CAMTA1: variants seen among roughly 807,000 people sequenced by gnomAD.
CAMTA1 encodes calmodulin-binding transcription activator 1.
A neutral mutation model predicts 170.9 loss-of-function variants in CAMTA1; 27 were observed. The observed-to-expected ratio is 0.16, with a 90% CI of 0.12 to 0.22. The LOEUF is 0.22. Ranked by LOEUF, CAMTA1 falls within the 10% of genes least tolerant of loss-of-function variation. CAMTA1 has a pLI of 1.00. For missense variants in CAMTA1, 1,619 were observed against 2,217.2 expected, an observed-to-expected ratio of 0.73 and a Z score of 5.42; for synonymous variants, 833 against 891.5, an observed-to-expected ratio of 0.93 and a Z score of 1.17.
At chr1:7,726,705 C>T (rs183052393) in intron 11 of CAMTA1, among the ~76,000 whole-genome samples, 1 of 152,284 alleles carries the variant, frequency 6.6e-6, no homozygotes, top group East Asian at 1.9e-4. Flanking sequence ...CTCGCTGCAG[C>T]AAATATAGAG....
intron 3 of CAMTA1, among the ~76,000 whole-genome samples, chr1:6,836,943 C>CTTTTTTTTTT (rs780894298): frequency 7.3e-6 from 1 of 137,334 alleles, no homozygotes; most frequent in African/African-American, 2.7e-5. Context: ...TGAAGGAGTT[C>CTTTTTTTTTT]TTTTTTTTTT....
chr1:6,889,307 T>G (rs1435531785), intron 3 of CAMTA1, among the ~76,000 whole-genome samples: 1 of 152,164 alleles, frequency 6.6e-6, no homozygotes, highest in East Asian at 1.9e-4. Flanking sequence ...GGTGAAGAAA[T>G]AAATGTAGAA....
intron 4 of CAMTA1, among the ~76,000 whole-genome samples, chr1:7,152,328 C>G (rs967900437): frequency 6.6e-6 from 1 of 152,156 alleles, no homozygotes; most frequent in Non-Finnish European, 1.5e-5. Flanking sequence ...CTTAGAGTGG[C>G]TTAAAGCTCC....
intron 6 of CAMTA1, among the ~76,000 whole-genome samples, chr1:7,627,483 CG>C (rs1442697548): frequency 6.6e-6 from 1 of 152,198 alleles, no homozygotes; most frequent in Non-Finnish European, 1.5e-5. Context: ...TCCCATGCCT[CG>C]GGCACTGTTC....
chr1:7,169,934 T>A (rs1036571015), intron 4 of CAMTA1, among the ~76,000 whole-genome samples: 6 of 152,260 alleles, frequency 3.9e-5, no homozygotes, highest in African/African-American at 1.4e-4. Context: ...TTATCCTTTT[T>A]AATCAGAATT....
intron 3 of CAMTA1, among the ~76,000 whole-genome samples, chr1:6,926,963 T>C (rs891257560): frequency 6.6e-6 from 1 of 151,966 alleles, no homozygotes; most frequent in Non-Finnish European, 1.5e-5. Flanking sequence ...ACTCCTGGGC[T>C]CAAGCAATCC....
intron 4 of CAMTA1, among the ~76,000 whole-genome samples, chr1:7,182,194 C>A (rs1422639355): frequency 6.6e-6 from 1 of 151,980 alleles, no homozygotes; most frequent in Non-Finnish European, 1.5e-5. Flanking sequence ...CCAGTATACA[C>A]AAGAAAAACT....
chr1:7,134,721 AAAT>A lies in CAMTA1; in HGVS notation c.302+43353_302+43355del, dbSNP rs1463710227. Reference sequence around the variant, plus strand: ...CATTACTGGGTATATGCCCAGAAGAAAATAAATCATTCTATCAAAAAGACACAT... The same window carrying A: ...CATTACTGGGTATATGCCCAGAAGAAAAATCATTCTATCAAAAAGACACAT... On this transcript the variant is annotated intron_variant, in intron 4 of 22. Transcript: ENST00000303635. 2.0e-5 allele frequency among the ~76,000 whole-genome samples: 3 copies of A among 152,184 alleles called. 1 individual carries two copies. Among genetic ancestry groups the A allele is most frequent in the Non-Finnish European group, 2.9e-5 (2 of 68,036 alleles).
chr1:7,548,035 C>T (rs1207874496), intron 6 of CAMTA1, among the ~76,000 whole-genome samples: 3 of 152,150 alleles, frequency 2.0e-5, no homozygotes, highest in Non-Finnish European at 4.4e-5. Flanking sequence ...TATGCTGGCC[C>T]CGACTTAAGA....
At chr1:7,213,081 A>T (rs191233223) in intron 4 of CAMTA1, among the ~76,000 whole-genome samples, 129 of 152,332 alleles carry the variant, frequency 8.5e-4, no homozygotes, top group African/African-American at 3.1e-3. Flanking sequence ...ATTTGTGTAC[A>T]GGTTTTTGTG....
At chr1:7,036,491 G>A (rs1043557383) in intron 3 of CAMTA1, among the ~76,000 whole-genome samples, 1 of 152,212 alleles carries the variant, frequency 6.6e-6, no homozygotes, top group African/African-American at 2.4e-5. Flanking sequence ...TATCACCTAT[G>A]AAGTAGGACT....
chr1:7,043,138 A>T (rs915948240), intron 3 of CAMTA1, among the ~76,000 whole-genome samples: 1 of 152,152 alleles, frequency 6.6e-6, no homozygotes, highest in African/African-American at 2.4e-5. Flanking sequence ...GGAACATTTG[A>T]CTGCCAAGGC....
intron 3 of CAMTA1, among the ~76,000 whole-genome samples, chr1:6,830,051 TTTTGAGACGGAGTC>T (rs1649148115): frequency 6.6e-6 from 1 of 151,494 alleles, no homozygotes; most frequent in Non-Finnish European, 1.5e-5. Context: ...TTATTTTTTT[TTTTGAGACGGAGTC>T]TCGCTCTGTC....
intron 3 of CAMTA1, among the ~76,000 whole-genome samples, chr1:6,902,072 C>CACACAA (rs3986505): frequency 0.012 from 1,047 of 88,290 alleles, 11 homozygotes; most frequent in East Asian, 0.055. Context: ...CACACACACA[C>CACACAA]AAAAAAAAAA....
chr1:7,600,803 G>A (rs946148828), intron 6 of CAMTA1, among the ~76,000 whole-genome samples: 1 of 151,968 alleles, frequency 6.6e-6, no homozygotes, highest in African/African-American at 2.4e-5. Context: ...TTGGGGGTAA[G>A]GTCACAGATC....
At position 7,768,154 on chromosome 1, in the gene CAMTA1, A is replaced by G. The variant is rs1220745100; in HGVS notation, c.*1663A>G. 6.6e-6 allele frequency: 1 copy of G among 152,378 alleles called. No individual in the cohort carries two copies. Among genetic ancestry groups the G allele is most frequent in the African/African-American group, 2.4e-5 (1 of 41,410 alleles). 9.4% of individuals were successfully genotyped at this position (152,378 alleles called of 1,614,324 possible). ...AAACCTGACAAAAGAAATAGTATGA[A>G]AAGTAGAAAAATGTCACGTTTCCAT... On this transcript the variant is annotated 3_prime_UTR_variant, in exon 23 of 23. Transcript: ENST00000303635.
At chr1:7,761,260 T>C (rs2150289787) in intron 22 of CAMTA1, among the ~76,000 whole-genome samples, 1 of 152,278 alleles carries the variant, frequency 6.6e-6, no homozygotes, top group East Asian at 1.9e-4. Flanking sequence ...GAGTTCTACT[T>C]TGCAAGTTAC....
At chr1:7,671,975 G>A (rs969795044) in intron 10 of CAMTA1, 1 of 455,788 alleles carries the variant, frequency 2.2e-6, no homozygotes. Flanking sequence ...GGCATCTGAA[G>A]CCTGTTTCTA....
At chr1:7,327,191 C>A (rs1015182589) in intron 5 of CAMTA1, among the ~76,000 whole-genome samples, 1 of 151,718 alleles carries the variant, frequency 6.6e-6, no homozygotes, top group South Asian at 2.1e-4. Flanking sequence ...CCGAGGCAGG[C>A]GGATCACGAG....
Sources: allele counts gnomAD v4.1 joint callset (sites outside exome capture counted in the v4.1 genomes callset), GRCh38; gene constraint gnomAD v4.1.1; transcripts MANE v1.5; gene names NCBI Gene and HGNC (gene_info 2026-07-23, HGNC 2026-07-21).